Variants in CNKSR3 observed in about 807,000 individuals in gnomAD.
CNKSR3 encodes connector enhancer of kinase suppressor of ras 3.
In CNKSR3, 36 loss-of-function variants were observed where a neutral mutation model predicts 67.7. The observed-to-expected ratio is 0.53, with a 90% CI of 0.41 to 0.70. CNKSR3 has a LOEUF of 0.70. Ranked by LOEUF, CNKSR3 falls within the 30% of genes least tolerant of loss-of-function variation. The probability of loss-of-function intolerance (pLI) is 0.00; values close to 1 mark genes in which losing one functional copy is unlikely to be tolerated. For synonymous variants in CNKSR3, 281 were observed against 271.4 expected (o/e 1.04, Z -0.35); for missense variants, 630 against 695.2 (o/e 0.91, Z 1.05).
intron 5 of CNKSR3, among the ~76,000 whole-genome samples, chr6:154,431,428 G>A (rs981614495): frequency 1.6e-5 from 2 of 128,262 alleles, no homozygotes; most frequent in African/African-American, 6.5e-5. Flanking sequence ...GGGTAACAGA[G>A]CGAGACTCTG....
intron 1 of CNKSR3, among the ~76,000 whole-genome samples, chr6:154,506,903 C>G (rs1787115570): frequency 6.6e-6 from 1 of 152,192 alleles, no homozygotes; most frequent in South Asian, 2.1e-4. Flanking sequence ...CAGACCGAAT[C>G]CTGAAGTTCT....
rs535098051 is a variant in CNKSR3 at position 154,480,564 on chromosome 6, A to T, written c.52+29499T>A. 1.0e-3 allele frequency among the ~76,000 whole-genome samples: 159 copies of T among 152,314 alleles called. 3 individuals are homozygous for T. Among genetic ancestry groups the T allele is most frequent in the Non-Finnish European group, 1.9e-3 (132 of 68,034 alleles). On this transcript the variant is annotated intron_variant, in intron 1 of 12. Coordinates refer to ENST00000607772, the MANE Select transcript of CNKSR3 (RefSeq NM_173515.4). Reference sequence around the variant, plus strand: ...CATTCTCCATGCGATTAAATTAGTCAATGCTTACTACATGGATGAATGCAG... The same window carrying T: ...CATTCTCCATGCGATTAAATTAGTCTATGCTTACTACATGGATGAATGCAG...
At chr6:154,410,793 C>A in intron 11 of CNKSR3, 141 bp downstream of exon 11, 1 of 672,038 alleles carries the variant, frequency 1.5e-6, no homozygotes. Flanking sequence ...AGGTCTCATA[C>A]TTAGAATTTC....
chr6:154,475,987 T>G (rs146051031), intron 1 of CNKSR3, among the ~76,000 whole-genome samples: 1 of 151,850 alleles, frequency 6.6e-6, no homozygotes, highest in African/African-American at 2.4e-5. Flanking sequence ...GTTTTTACCC[T>G]GCAAACCCAG....
At chr6:154,430,441 T>C (rs772707152) in intron 6 of CNKSR3, 31 bp downstream of exon 6, 2 of 1,576,556 alleles carry the variant, frequency 1.3e-6, no homozygotes, top group African/African-American at 2.7e-5. Context: ...GTATGTTATC[T>C]GAAAATAAAA....
At chr6:154,471,981 C>T (rs1182993751) in intron 1 of CNKSR3, among the ~76,000 whole-genome samples, 1 of 152,204 alleles carries the variant, frequency 6.6e-6, no homozygotes, top group African/African-American at 2.4e-5. Context: ...TCCAATAAGT[C>T]TGCCCATTCT....
At chr6:154,459,071 A>G (rs1363284829) in intron 1 of CNKSR3, among the ~76,000 whole-genome samples, 1 of 151,860 alleles carries the variant, frequency 6.6e-6, no homozygotes, top group African/African-American at 2.4e-5. Context: ...AAGAAAGAAG[A>G]AAAAAAGAAA....
At position 154,406,489 on chromosome 6, in the gene CNKSR3, G is replaced by C. The variant is rs778694713; in HGVS notation, c.1533C>G (p.Leu511=). 5 of 1,613,930 alleles carry C rather than the reference G, an allele frequency of 3.1e-6. No individual in the cohort carries two copies. In the Admixed American group the frequency reaches 8.3e-5, roughly 27 times the overall value. ...GGAATGGAATCGTGGCGCTGCTGTG[G>C]AGATCTGAGTTGATGTAGCACCTGC... ...RGSRCYINSD[L]HSSATIPFQE... is the part of the protein sequence containing the mutation. Residue 511 remains leucine (L), a synonymous_variant, in exon 13 of 13, where the codon CTC becomes CTG. Coordinates refer to ENST00000607772, the MANE Select transcript of CNKSR3 (RefSeq NM_173515.4).
At chr6:154,473,257 A>G (rs1334186029) in intron 1 of CNKSR3, among the ~76,000 whole-genome samples, 1 of 152,210 alleles carries the variant, frequency 6.6e-6, no homozygotes, top group Non-Finnish European at 1.5e-5. Flanking sequence ...CCAGAAAATA[A>G]TGGACAAAGT....
intron 1 of CNKSR3, among the ~76,000 whole-genome samples, chr6:154,497,688 T>G (rs891820184): frequency 6.6e-6 from 1 of 152,254 alleles, no homozygotes; most frequent in Non-Finnish European, 1.5e-5. Context: ...TATACACTTA[T>G]GTATCTCTAT....
intron 9 of CNKSR3, among the ~76,000 whole-genome samples, chr6:154,421,023 T>C (rs1473278292): frequency 1.3e-5 from 2 of 152,188 alleles, no homozygotes; most frequent in African/African-American, 4.8e-5. Flanking sequence ...TGGTTTTTGT[T>C]TTTGTTTTGA....
At chr6:154,442,887 A>AT (rs1252302685) in intron 2 of CNKSR3, among the ~76,000 whole-genome samples, 2 of 143,034 alleles carry the variant, frequency 1.4e-5, no homozygotes, top group Non-Finnish European at 3.0e-5. Flanking sequence ...TTATTTTTTT[A>AT]TTTTTTTTAT....
intron 7 of CNKSR3, among the ~76,000 whole-genome samples, chr6:154,426,521 A>G (rs913438118): frequency 1.3e-5 from 2 of 151,730 alleles, no homozygotes; most frequent in African/African-American, 4.8e-5. Flanking sequence ...ACGCCCAGTT[A>G]ATATTTTGTA....
At chr6:154,453,811 C>T (rs912687162) in intron 1 of CNKSR3, among the ~76,000 whole-genome samples, 2 of 152,098 alleles carry the variant, frequency 1.3e-5, no homozygotes, top group African/African-American at 4.8e-5. Flanking sequence ...AAACCATATT[C>T]TTTTACTTAT....
chr6:154,447,119 C>A (rs1021585727), intron 2 of CNKSR3, among the ~76,000 whole-genome samples: 1 of 152,100 alleles, frequency 6.6e-6, no homozygotes, highest in African/African-American at 2.4e-5. Context: ...TTGCACCCGG[C>A]CACAGTCATA....
At chr6:154,454,089 A>ACT (rs1785896122) in intron 1 of CNKSR3, among the ~76,000 whole-genome samples, 1 of 62,030 alleles carries the variant, frequency 1.6e-5, no homozygotes, top group African/African-American at 5.4e-5. Context: ...GAAAACACAC[A>ACT]CACACACACA....
intron 1 of CNKSR3, among the ~76,000 whole-genome samples, chr6:154,491,606 T>A (rs1259815806): frequency 6.6e-6 from 1 of 152,192 alleles, no homozygotes; most frequent in Non-Finnish European, 1.5e-5. Flanking sequence ...CATGGGTAAT[T>A]ATAGAATAAC....
chr6:154,467,199 G>C (rs752486611), intron 1 of CNKSR3, among the ~76,000 whole-genome samples: 4 of 152,122 alleles, frequency 2.6e-5, no homozygotes, highest in Non-Finnish European at 4.4e-5. Flanking sequence ...CCCACCGGGA[G>C]TAGAGATACT....
At chr6:154,444,596 G>C (rs1582866097) in intron 2 of CNKSR3, among the ~76,000 whole-genome samples, 1 of 151,128 alleles carries the variant, frequency 6.6e-6, no homozygotes, top group South Asian at 2.1e-4. Flanking sequence ...CCCCTCTGAA[G>C]TGGAGAAACT....
Sources: gnomAD v4.1 joint callset for allele counts (sites outside exome capture counted in the v4.1 genomes callset) on GRCh38, gnomAD v4.1.1 for gene constraint, MANE v1.5 for transcripts, NCBI Gene and HGNC (gene_info 2026-07-23, HGNC 2026-07-21) for gene names.